The following TAFA1 variants were observed in gnomAD, a reference collection of about 807,000 sequenced individuals.
The protein encoded by TAFA1 is TAFA chemokine like family member 1.
Under a neutral mutation model 18.5 loss-of-function variants are expected in TAFA1, and 4 were observed. The observed-to-expected ratio is 0.22, with a 90% CI of 0.11 to 0.49. The LOEUF (loss-of-function observed/expected upper bound fraction) is 0.49, where lower values mean the gene tolerates loss of function less well. TAFA1 is among the 20% of genes least tolerant of loss of function. The probability of loss-of-function intolerance (pLI) is 0.98; values close to 1 mark genes in which losing one functional copy is unlikely to be tolerated. For synonymous variants in TAFA1, 56 were observed against 55.2 expected (o/e 1.01, Z -0.06); for missense variants, 147 against 169.0 (o/e 0.87, Z 0.72).
intron 2 of TAFA1, among the ~76,000 whole-genome samples, chr3:68,126,553 A>T (rs2065467317): frequency 6.6e-6 from 1 of 152,222 alleles, no homozygotes; most frequent in East Asian, 1.9e-4. Flanking sequence ...ATATATTCCA[A>T]ACATATAAAT....
intron 3 of TAFA1, among the ~76,000 whole-genome samples, chr3:68,477,233 T>C (rs4855483): frequency 0.25 from 37,834 of 151,978 alleles, 5,123 homozygotes; most frequent in East Asian, 0.48. Flanking sequence ...TCATCCATAT[T>C]GTTGCATATA....
chr3:67,997,882 A>T, the TAFA1 span, among the ~76,000 whole-genome samples: 1 of 152,158 alleles, frequency 6.6e-6, no homozygotes, highest in Non-Finnish European at 1.5e-5. Flanking sequence ...CAGTGAATGG[A>T]AGTTGAATAT....
chr3:68,392,114 G>A (rs1436242693), intron 2 of TAFA1, among the ~76,000 whole-genome samples: 1 of 146,192 alleles, frequency 6.8e-6, no homozygotes, highest in South Asian at 2.2e-4. Context: ...TCAGGAGTCC[G>A]ATCTCATGTG....
intron 2 of TAFA1, among the ~76,000 whole-genome samples, chr3:68,263,412 C>A (rs979541513): frequency 6.8e-6 from 1 of 147,748 alleles, no homozygotes; most frequent in Admixed American, 6.9e-5. Flanking sequence ...TATAATCCCT[C>A]TTAGGTAGAA....
intron 2 of TAFA1, among the ~76,000 whole-genome samples, chr3:68,352,770 C>G (rs2069292357): frequency 6.6e-6 from 1 of 151,966 alleles, no homozygotes. Context: ...AGGCTGTTGT[C>G]CCATTGTCAG....
At chr3:68,501,502 TAACTC>T (rs1294264571) in intron 3 of TAFA1, among the ~76,000 whole-genome samples, 1 of 152,212 alleles carries the variant, frequency 6.6e-6, no homozygotes, top group Non-Finnish European at 1.5e-5. Flanking sequence ...AATACTTACT[TAACTC>T]TACTTTCCAG....
chr3:68,041,477 AT>A (rs984334738), intron 2 of TAFA1, among the ~76,000 whole-genome samples: 9 of 151,892 alleles, frequency 5.9e-5, no homozygotes, highest in Non-Finnish European at 8.8e-5. Context: ...TAAAGGACAG[AT>A]TTTTTTTTCT....
intron 2 of TAFA1, among the ~76,000 whole-genome samples, chr3:68,050,665 T>C (rs1398900758): frequency 1.3e-5 from 2 of 152,192 alleles, no homozygotes; most frequent in Non-Finnish European, 2.9e-5. Context: ...AAGTTCTGGC[T>C]CTGCCACTTA....
chr3:68,254,763 A>G (rs1177968538), intron 2 of TAFA1, among the ~76,000 whole-genome samples: 1 of 152,108 alleles, frequency 6.6e-6, no homozygotes, highest in Non-Finnish European at 1.5e-5. Context: ...TAGGATGTTC[A>G]TGTCTGACTT....
At chr3:68,208,842 G>T (rs769096218) in intron 2 of TAFA1, among the ~76,000 whole-genome samples, 1 of 151,970 alleles carries the variant, frequency 6.6e-6, no homozygotes, top group Non-Finnish European at 1.5e-5. Flanking sequence ...TCACTACTTA[G>T]TGTGCTCTGA....
At chr3:68,447,204 C>G (rs912283209) in intron 3 of TAFA1, among the ~76,000 whole-genome samples, 1 of 152,172 alleles carries the variant, frequency 6.6e-6, no homozygotes, top group Non-Finnish European at 1.5e-5. Flanking sequence ...CTCCAACACA[C>G]ACAATGCAGC....
At chr3:68,477,115 A>G (rs1016985122) in intron 3 of TAFA1, among the ~76,000 whole-genome samples, 2 of 151,964 alleles carry the variant, frequency 1.3e-5, no homozygotes, top group Admixed American at 6.6e-5. Context: ...CTAACACCAT[A>G]TATTAGTTTT....
chr3:68,492,616 G>T (rs1366551380), intron 3 of TAFA1, among the ~76,000 whole-genome samples: 3 of 152,144 alleles, frequency 2.0e-5, no homozygotes, highest in East Asian at 3.9e-4. Context: ...TTTTAATGCT[G>T]AAGTTTCAAG....
intron 3 of TAFA1, among the ~76,000 whole-genome samples, chr3:68,418,666 A>G (rs2070892971): frequency 6.6e-6 from 1 of 152,070 alleles, no homozygotes; most frequent in Non-Finnish European, 1.5e-5. Flanking sequence ...AATACCTAAC[A>G]TTCATTCAAC....
rs540379184 is a variant in TAFA1 at position 68,015,365 on chromosome 3, C to A, written c.118+8621C>A. Among the ~76,000 whole-genome samples the A allele has an allele frequency of 3.3e-5, 5 of 151,524 alleles. No individual in the cohort carries two copies. In the South Asian group the frequency reaches 8.3e-4, roughly 25 times the overall value. On this transcript the variant is annotated intron_variant, in intron 2 of 4. Transcript: ENST00000478136. ...GCAATGGCATGCTCTCGGCTCACTG[C>A]AACCTCTGCCTCCCAGGTTCAAGCG... is the stretch of plus-strand genomic sequence containing the variant.
chr3:68,264,694 T>C (rs2067506980), intron 2 of TAFA1, among the ~76,000 whole-genome samples: 1 of 147,152 alleles, frequency 6.8e-6, no homozygotes, highest in African/African-American at 2.7e-5. Context: ...AAAGTCTTTA[T>C]AGAAAGTATA....
At chr3:68,152,513 C>G (rs1468556440) in intron 2 of TAFA1, among the ~76,000 whole-genome samples, 1 of 151,962 alleles carries the variant, frequency 6.6e-6, no homozygotes, top group East Asian at 1.9e-4. Flanking sequence ...GAAATCTGAC[C>G]CTAATGCTGT....
intron 2 of TAFA1, among the ~76,000 whole-genome samples, chr3:68,383,401 T>G (rs1375719017): frequency 6.6e-6 from 1 of 152,188 alleles, no homozygotes; most frequent in Non-Finnish European, 1.5e-5. Context: ...TGAAGCAATG[T>G]TGAATTTTGT....
At chr3:68,017,967 A>C (rs1704602958) in intron 2 of TAFA1, among the ~76,000 whole-genome samples, 1 of 74,796 alleles carries the variant, frequency 1.3e-5, no homozygotes. Flanking sequence ...GTAGGAAGTC[A>C]GCTAGAAGAA....
Sources: gnomAD v4.1 joint callset for allele counts (sites outside exome capture counted in the v4.1 genomes callset) on GRCh38, gnomAD v4.1.1 for gene constraint, MANE v1.5 for transcripts, NCBI Gene and HGNC (gene_info 2026-07-23, HGNC 2026-07-21) for gene names.